INTS7: variants seen among roughly 807,000 people sequenced by gnomAD.
INTS7 encodes integrator complex subunit 7.
In INTS7, 46 loss-of-function variants were observed where a neutral mutation model predicts 109.2. That is an observed-to-expected ratio of 0.42 (90% CI 0.33 to 0.54). INTS7 has a LOEUF of 0.54. Among genes scored for constraint, INTS7 ranks in the 20% least tolerant of loss-of-function variants. The pLI is 0.07. For synonymous variants in INTS7, 412 were observed against 402.9 expected (o/e 1.02, Z -0.27); for missense variants, 929 against 1,132.4 (o/e 0.82, Z 2.58).
intron 7 of INTS7, among the ~76,000 whole-genome samples, chr1:211,994,425 T>C (rs528663451): frequency 5.4e-5 from 7 of 128,822 alleles, no homozygotes; most frequent in African/African-American, 1.3e-4. Flanking sequence ...AAAATTCTCT[T>C]TTTTTTTTTT....
At chr1:212,001,120 G>A (rs1481356339) in intron 7 of INTS7, among the ~76,000 whole-genome samples, 2 of 143,328 alleles carry the variant, frequency 1.4e-5, no homozygotes, top group Admixed American at 1.5e-4. Context: ...AGGCTGGAGT[G>A]CAATGGCGCG....
intron 10 of INTS7, among the ~76,000 whole-genome samples, chr1:211,979,317 A>AGGCACAC (rs2102424723): frequency 6.6e-6 from 1 of 152,310 alleles, no homozygotes; most frequent in South Asian, 2.1e-4. Context: ...GTGGGGTGTC[A>AGGCACAC]GGCACACACA....
intron 13 of INTS7, 144 bp downstream of exon 13, chr1:211,975,022 G>T: frequency 1.6e-6 from 1 of 620,706 alleles, no homozygotes; most frequent in East Asian, 2.7e-5. Context: ...ATGTTAAAAA[G>T]GGGAAAAGGT....
At chr1:211,963,302 C>G (rs1663726028) in intron 16 of INTS7, among the ~76,000 whole-genome samples, 1 of 152,018 alleles carries the variant, frequency 6.6e-6, no homozygotes, top group Non-Finnish European at 1.5e-5. Flanking sequence ...GAAACTGAAT[C>G]CCTGATGAGA....
intron 7 of INTS7, among the ~76,000 whole-genome samples, chr1:212,002,044 ATATAC>A (rs1665693894): frequency 6.6e-6 from 1 of 152,232 alleles, no homozygotes; most frequent in South Asian, 2.1e-4. Context: ...TTTACAGTTT[ATATAC>A]TCAGAAGTAA....
Position 212,023,588 on chromosome 1 carries a change from T to A in INTS7, c.95-2376A>T, listed in dbSNP as rs116606001. On this transcript the variant is annotated intron_variant, in intron 1 of 19. Coordinates refer to ENST00000366994, the MANE Select transcript of INTS7 (RefSeq NM_015434.4). Reference sequence around the variant, plus strand: ...TTCATGTCCTTTGCCCACTTTTTAATAGGGTTATTTGGTTTTTGCTTGTTG... The same window carrying A: ...TTCATGTCCTTTGCCCACTTTTTAAAAGGGTTATTTGGTTTTTGCTTGTTG... Among the ~76,000 whole-genome samples, 871 of 152,290 alleles carry A rather than the reference T, an allele frequency of 5.7e-3. 6 individuals are homozygous for A. The highest frequency in any genetic ancestry group is 0.019 in the African/African-American group (806 of 41,552).
rs549723521 is a variant in INTS7 at position 211,986,423 on chromosome 1, A to T, written c.997+1463T>A. ...TGATTTTGTTATGTAGCAATAGATA[A>T]CTGATAATGTACTTCAGAGAATCAC... On this transcript the variant is annotated intron_variant, in intron 8 of 19. Transcript: ENST00000366994. Among the ~76,000 whole-genome samples the T allele has an allele frequency of 1.1e-3, 165 of 152,288 alleles. 2 individuals carry two copies. Among genetic ancestry groups the T allele is most frequent in the Non-Finnish European group, 1.7e-3 (115 of 68,022 alleles).
At chr1:211,961,894 T>C (rs1345144569) in intron 16 of INTS7, among the ~76,000 whole-genome samples, 1 of 152,134 alleles carries the variant, frequency 6.6e-6, no homozygotes, top group African/African-American at 2.4e-5. Flanking sequence ...GCACTAAATA[T>C]AGAAAGGAAA....
At chr1:211,966,304 C>G in intron 16 of INTS7, 126 bp downstream of exon 16, 1 of 523,034 alleles carries the variant, frequency 1.9e-6, no homozygotes, top group Non-Finnish European at 3.4e-6. Flanking sequence ...ACAAAAAATG[C>G]TGAAGAATTC....
At chr1:212,018,165 G>C (rs1010149063) in intron 3 of INTS7, among the ~76,000 whole-genome samples, 2 of 152,046 alleles carry the variant, frequency 1.3e-5, no homozygotes, top group Non-Finnish European at 2.9e-5. Context: ...ATGAAAACTG[G>C]ATTAGATATA....
chr1:212,035,346 T>C lies in INTS7; in HGVS notation c.92A>G (p.Lys31Arg). 1 of 1,604,986 alleles carries C rather than the reference T, an allele frequency of 6.2e-7. No individual in the cohort carries two copies. The highest frequency in any genetic ancestry group is 8.5e-7 in the Non-Finnish European group (1 of 1,171,656). Residue 31 changes from lysine (K) to arginine (R), a missense_variant and splice_region_variant, in exon 1 of 20, where the codon AAA (lysine) becomes AGA (arginine). Lys to Arg is a conservative substitution (Grantham distance 26). Around this residue, in one of 2 missense-constraint regions of INTS7, gnomAD observed 142 missense variants for 231.4 expected, o/e 0.61. Transcript: ENST00000366994. ...ATTCAGCCCTCTCTTTCGAATACCT[T>C]TGTCCAATTCCATAAGGGCAGAGTT... ...DANSALMELDKGLRSGKLGEQ... is the reference protein window; with the variant it reads ...DANSALMELDRGLRSGKLGEQ...
chr1:211,966,818 G>C (rs1663902876), intron 15 of INTS7, among the ~76,000 whole-genome samples: 1 of 151,848 alleles, frequency 6.6e-6, no homozygotes, highest in South Asian at 2.1e-4. Flanking sequence ...TTTCATAAGA[G>C]TTTGAGACAA....
intron 1 of INTS7, among the ~76,000 whole-genome samples, chr1:212,029,690 T>C (rs1188589625): frequency 6.6e-6 from 1 of 152,214 alleles, no homozygotes; most frequent in Non-Finnish European, 1.5e-5. Flanking sequence ...AATAAAGCAT[T>C]ACCAAACAAA....
chr1:212,011,600 A>G, intron 4 of INTS7, 179 bp from the exon 5 acceptor site: 1 of 577,570 alleles, frequency 1.7e-6, no homozygotes, highest in Non-Finnish European at 3.1e-6. Context: ...TAAAACAAAA[A>G]CTCCAGCACC....
Position 212,007,284 on chromosome 1 carries a change from AGCAG to A in INTS7, c.718_721del (p.Leu241GlnfsTer19). The A allele has an allele frequency of 6.2e-7, 1 of 1,614,006 alleles. No homozygotes were observed. Among genetic ancestry groups the A allele is most frequent in the Non-Finnish European group, 8.5e-7 (1 of 1,179,908 alleles). On this transcript the variant is annotated frameshift_variant, in exon 6 of 20. Transcript: ENST00000366994. LOFTEE classifies it high-confidence loss of function. The stretch of plus-strand genomic sequence containing the variant: ...TGTATCAACCAAAGATGACGCTGCA[AGCAG>A]AGTGAAAGTGTGCAAAGACACAATC...
chr1:211,992,465 A>G (rs571107356), intron 7 of INTS7, among the ~76,000 whole-genome samples: 7 of 152,186 alleles, frequency 4.6e-5, no homozygotes, highest in Non-Finnish European at 8.8e-5. Context: ...AAGCAGTCTC[A>G]GTAAATAAAT....
intron 7 of INTS7, among the ~76,000 whole-genome samples, chr1:212,004,709 T>C (rs986762566): frequency 3.9e-5 from 6 of 152,110 alleles, no homozygotes; most frequent in African/African-American, 1.4e-4. Context: ...GTATTCCAAA[T>C]ATATAAAAAA....
chr1:211,980,873 T>A (rs1032657182), intron 10 of INTS7, among the ~76,000 whole-genome samples: 1 of 152,230 alleles, frequency 6.6e-6, no homozygotes, highest in Non-Finnish European at 1.5e-5. Flanking sequence ...AATGAACGCT[T>A]ATGTTAAATT....
intron 1 of INTS7, among the ~76,000 whole-genome samples, chr1:212,022,631 C>T (rs1315850373): frequency 6.6e-6 from 1 of 152,118 alleles, no homozygotes; most frequent in Non-Finnish European, 1.5e-5. Flanking sequence ...TTAAAAAGAC[C>T]AACAATGTCA....
Sources: gnomAD v4.1 joint callset for allele counts (sites outside exome capture counted in the v4.1 genomes callset) on GRCh38, gnomAD v4.1.1 for gene constraint, gnomAD v4.1.1 regional missense constraint, MANE v1.5 for transcripts, NCBI Gene and HGNC (gene_info 2026-07-23, HGNC 2026-07-21) for gene names.